The following RERE variants were observed in gnomAD, a reference collection of about 807,000 sequenced individuals.
The protein encoded by RERE is arginine-glutamic acid dipeptide repeats protein.
A neutral mutation model predicts 146.1 loss-of-function variants in RERE; 40 were observed. That is an observed-to-expected ratio of 0.27 (90% CI 0.21 to 0.36). The LOEUF is 0.36. RERE is among the 10% of genes least tolerant of loss of function. The pLI is 1.00. For synonymous variants in RERE, 1,003 were observed against 866.0 expected, an observed-to-expected ratio of 1.16 and a Z score of -2.78; for missense variants, 1,933 against 2,138.7, an observed-to-expected ratio of 0.90 and a Z score of 1.90.
At chr1:8,625,218 C>A (rs879683189) in intron 2 of RERE, among the ~76,000 whole-genome samples, 3 of 152,064 alleles carry the variant, frequency 2.0e-5, no homozygotes, top group Admixed American at 6.6e-5. Flanking sequence ...CTCAGCCACC[C>A]GAAGTGTCAG....
intron 12 of RERE, 91 bp downstream of exon 12, chr1:8,422,636 T>A (rs997870090): frequency 1.7e-5 from 17 of 982,522 alleles, no homozygotes; most frequent in Non-Finnish European, 2.6e-5. Flanking sequence ...CAGCGCAGGG[T>A]TAAAGGAAAC....
At chr1:8,756,865 G>A (rs1039111957) in intron 1 of RERE, among the ~76,000 whole-genome samples, 1 of 152,154 alleles carries the variant, frequency 6.6e-6, no homozygotes. Flanking sequence ...GCTGAGGTAG[G>A]TGGATCACCT....
intron 7 of RERE, among the ~76,000 whole-genome samples, chr1:8,536,145 C>G (rs1645722592): frequency 6.6e-6 from 1 of 151,544 alleles, no homozygotes; most frequent in African/African-American, 2.4e-5. Flanking sequence ...AATCTTGTCT[C>G]TAAAAGAAAA....
intron 1 of RERE, among the ~76,000 whole-genome samples, chr1:8,717,022 A>T (rs12121933): frequency 0.24 from 35,826 of 152,122 alleles, 4,328 homozygotes; most frequent in Middle Eastern, 0.28. Flanking sequence ...AAAATAAATG[A>T]TATAACAACT....
chr1:8,503,092 AAAT>A (rs1645201480), intron 8 of RERE, among the ~76,000 whole-genome samples: 1 of 91,730 alleles, frequency 1.1e-5, no homozygotes, highest in South Asian at 4.7e-4. Context: ...AATTAAAAAT[AAAT>A]AAATAAATAA....
rs1296748515 is a variant in RERE at position 8,353,507 on chromosome 1, G to A, written c.*1580C>T. ...ATGGCAGAAGAGACCTCCAGTGTCT[G>A]AGAGAAAAGGATCGGAAGAGGCCAC... On this transcript the variant is annotated 3_prime_UTR_variant, in exon 23 of 23. Coordinates refer to ENST00000400908, the MANE Select transcript of RERE (RefSeq NM_001042681.2). The A allele has an allele frequency of 6.6e-5, 10 of 152,302 alleles. No individual in the cohort carries two copies. The highest frequency in any genetic ancestry group is 6.5e-4 in the Admixed American group (10 of 15,284). 9.4% of individuals were successfully genotyped at this position (152,302 alleles called of 1,614,324 possible).
At chr1:8,720,318 G>C (rs1392540678) in intron 1 of RERE, among the ~76,000 whole-genome samples, 1 of 150,762 alleles carries the variant, frequency 6.6e-6, no homozygotes, top group Non-Finnish European at 1.5e-5. Context: ...TATGAACAAA[G>C]TAGAAAGACA....
intron 1 of RERE, among the ~76,000 whole-genome samples, chr1:8,756,547 G>C (rs1185678167): frequency 6.6e-6 from 1 of 152,024 alleles, no homozygotes; most frequent in Non-Finnish European, 1.5e-5. Context: ...TATGCATCTT[G>C]GCTCAAGAGC....
At chr1:8,649,243 T>A (rs1342793349) in intron 2 of RERE, among the ~76,000 whole-genome samples, 1 of 152,172 alleles carries the variant, frequency 6.6e-6, no homozygotes, top group Non-Finnish European at 1.5e-5. Context: ...AGAAGTTAGA[T>A]CTGACTCAAG....
At chr1:8,407,508 C>T (rs1368524899) in intron 12 of RERE, among the ~76,000 whole-genome samples, 1 of 151,952 alleles carries the variant, frequency 6.6e-6, no homozygotes, top group Non-Finnish European at 1.5e-5. Context: ...CAAATCTTGT[C>T]CCAGATGCAA....
intron 12 of RERE, among the ~76,000 whole-genome samples, chr1:8,403,616 T>C (rs1034835646): frequency 6.6e-6 from 1 of 151,926 alleles, no homozygotes; most frequent in South Asian, 2.1e-4. Context: ...TCCTCTGGCC[T>C]TGGCCTCCCA....
At chr1:8,475,539 G>A (rs182712681) in intron 10 of RERE, among the ~76,000 whole-genome samples, 36 of 151,652 alleles carry the variant, frequency 2.4e-4, no homozygotes, top group African/African-American at 7.5e-4. Context: ...AAAATTAGCC[G>A]GGCATGGTAG....
intron 6 of RERE, among the ~76,000 whole-genome samples, chr1:8,553,483 C>T (rs367607054): frequency 2.0e-4 from 30 of 152,022 alleles, no homozygotes; most frequent in African/African-American, 5.1e-4. Context: ...CACACTCACG[C>T]GACACTGCAC....
Position 8,364,875 on chromosome 1 carries a change from C to T in RERE, c.1448-37G>A, listed in dbSNP as rs2124376575. 1 of 1,238,190 alleles carries T rather than the reference C, an allele frequency of 8.1e-7. No homozygotes were observed. Among genetic ancestry groups the T allele is most frequent in the Non-Finnish European group, 1.2e-6 (1 of 867,540 alleles). The allele number at this position is 1,238,190 out of a possible 1,614,324, so 76.7% of individuals were successfully genotyped here. On this transcript the variant is annotated intron_variant, in intron 13 of 22. Coordinates refer to ENST00000400908, the MANE Select transcript of RERE (RefSeq NM_001042681.2). The surrounding 1 kb of genome is among the most constrained non-coding windows in gnomAD (Gnocchi z 5.1). ...AGGCACATAGTGGGGGTGGGGGAGA[C>T]ACCATCATGCTCAGCCAAGGCTGGG... is the stretch of plus-strand genomic sequence containing the variant.
intron 10 of RERE, among the ~76,000 whole-genome samples, chr1:8,487,113 T>G (rs1570320634): frequency 6.6e-6 from 1 of 152,268 alleles, no homozygotes; most frequent in Middle Eastern, 3.4e-3. Flanking sequence ...AACAAACAGT[T>G]CCTTCATATT....
At chr1:8,640,818 C>G (rs1030031371) in intron 2 of RERE, among the ~76,000 whole-genome samples, 11 of 152,120 alleles carry the variant, frequency 7.2e-5, no homozygotes, top group Non-Finnish European at 8.8e-5. Context: ...CTGGTACTTA[C>G]AATACGCATT....
intron 4 of RERE, among the ~76,000 whole-genome samples, chr1:8,588,900 G>C (rs889190860): frequency 2.0e-5 from 3 of 152,180 alleles, no homozygotes; most frequent in Non-Finnish European, 4.4e-5. Context: ...AAGGCAGGCA[G>C]ATCACTTGAG....
intron 7 of RERE, among the ~76,000 whole-genome samples, chr1:8,514,295 CTG>C (rs1645381799): frequency 6.6e-6 from 1 of 152,206 alleles, no homozygotes; most frequent in African/African-American, 2.4e-5. Flanking sequence ...CAAAGAGTAA[CTG>C]ATATTCCATG....
intron 10 of RERE, among the ~76,000 whole-genome samples, chr1:8,469,867 A>T (rs575044116): frequency 1.3e-5 from 2 of 152,216 alleles, no homozygotes; most frequent in East Asian, 3.9e-4. Context: ...TTTGTTAGAG[A>T]GCATGGCTGC....
Sources: allele counts gnomAD v4.1 joint callset (sites outside exome capture counted in the v4.1 genomes callset), GRCh38; gene constraint gnomAD v4.1.1; non-coding constraint Gnocchi (gnomAD v3.1); transcripts MANE v1.5; gene names NCBI Gene and HGNC (gene_info 2026-07-23, HGNC 2026-07-21).